Variants in PEBP4 observed in about 807,000 individuals in gnomAD.
PEBP4 encodes phosphatidylethanolamine binding protein 4, also known as phosphatidylethanolamine-binding protein 4.
A neutral mutation model predicts 23.9 loss-of-function variants in PEBP4; 22 were observed. The ratio of observed to expected loss-of-function variants is 0.92; its 90% confidence interval spans 0.66 to 1.31. The LOEUF (loss-of-function observed/expected upper bound fraction) is 1.31, where lower values mean the gene tolerates loss of function less well. PEBP4 is among the 40% of genes most tolerant of loss of function. The pLI, the probability that PEBP4 is intolerant of heterozygous loss-of-function variation, is 0.00. For missense variants in PEBP4, 324 were observed against 281.7 expected, an observed-to-expected ratio of 1.15 and a Z score of -1.07; for synonymous variants, 112 against 99.3, an observed-to-expected ratio of 1.13 and a Z score of -0.76.
chr8:22,795,949 A>G (rs956548105), intron 4 of PEBP4, among the ~76,000 whole-genome samples: 2 of 152,314 alleles, frequency 1.3e-5, no homozygotes, highest in Admixed American at 1.3e-4. Context: ...TTGTATGCCG[A>G]AATGTGAGAA....
chr8:22,798,229 C>T (rs577566249), intron 4 of PEBP4, among the ~76,000 whole-genome samples: 1 of 152,166 alleles, frequency 6.6e-6, no homozygotes, highest in South Asian at 2.1e-4. Flanking sequence ...CATCCTGGAG[C>T]CTTGCTAATT....
chr8:22,729,879 C>G (rs977403267), intron 4 of PEBP4, among the ~76,000 whole-genome samples: 1 of 152,190 alleles, frequency 6.6e-6, no homozygotes, highest in East Asian at 1.9e-4. Flanking sequence ...GGCCATAAAC[C>G]TTTCCTCATT....
chr8:22,714,362 C>T (rs889027967), intron 6 of PEBP4, among the ~76,000 whole-genome samples: 12 of 152,078 alleles, frequency 7.9e-5, no homozygotes, highest in Middle Eastern at 3.4e-3. Flanking sequence ...ATGTCAGGCA[C>T]CCTGGGCAGA....
chr8:22,853,970 C>T (rs919482301), intron 3 of PEBP4, among the ~76,000 whole-genome samples: 5 of 152,162 alleles, frequency 3.3e-5, no homozygotes, highest in South Asian at 2.1e-4. Context: ...ACCTCACCAA[C>T]GCCAGAATCC....
intron 4 of PEBP4, among the ~76,000 whole-genome samples, chr8:22,728,613 C>CCTTCCCT (rs1563196431): frequency 3.0e-5 from 3 of 101,060 alleles, no homozygotes; most frequent in African/African-American, 1.7e-4. Flanking sequence ...CCTTCCTTCC[C>CCTTCCCT]TTTTTTTGGA....
chr8:22,862,656 T>G (rs746124001), intron 3 of PEBP4, among the ~76,000 whole-genome samples: 42 of 152,268 alleles, frequency 2.8e-4, no homozygotes, highest in Non-Finnish European at 5.1e-4. Context: ...CTTCAAAGGA[T>G]TCTCATATAT....
At chr8:22,845,542 A>G (rs1361662575) in intron 3 of PEBP4, among the ~76,000 whole-genome samples, 1 of 152,116 alleles carries the variant, frequency 6.6e-6, no homozygotes, top group Non-Finnish European at 1.5e-5. Context: ...GAATAAACCC[A>G]GCAGCACATG....
intron 4 of PEBP4, among the ~76,000 whole-genome samples, chr8:22,816,466 G>A (rs1448091338): frequency 6.6e-6 from 1 of 152,248 alleles, no homozygotes; most frequent in Non-Finnish European, 1.5e-5. Flanking sequence ...TCACAAGCTA[G>A]TTCAGATTTA....
At chr8:22,796,257 CGTGTGTGTGT>C (rs34887072) in intron 4 of PEBP4, among the ~76,000 whole-genome samples, 14 of 149,766 alleles carry the variant, frequency 9.3e-5, no homozygotes, top group South Asian at 2.1e-4. Context: ...CTCAAGTGTG[CGTGTGTGTGT>C]GTGTGTGTGT....
At chr8:22,834,669 C>G (rs1807163250) in intron 3 of PEBP4, among the ~76,000 whole-genome samples, 2 of 152,160 alleles carry the variant, frequency 1.3e-5, no homozygotes, top group African/African-American at 4.8e-5. Flanking sequence ...GAGAAAATCC[C>G]TAGGGAGGGA....
chr8:22,915,084 A>T (rs1430913457), intron 3 of PEBP4, among the ~76,000 whole-genome samples: 1 of 151,696 alleles, frequency 6.6e-6, no homozygotes, highest in Non-Finnish European at 1.5e-5. Context: ...CAATATCCCC[A>T]CAGCCCCCAA....
intron 3 of PEBP4, among the ~76,000 whole-genome samples, chr8:22,910,330 T>C (rs879527129): frequency 5.3e-5 from 8 of 152,212 alleles, no homozygotes; most frequent in Non-Finnish European, 1.0e-4. Flanking sequence ...GCCCCCAACA[T>C]CCCGCGCTTG....
intron 3 of PEBP4, among the ~76,000 whole-genome samples, chr8:22,837,046 T>C (rs918685591): frequency 6.6e-6 from 1 of 152,216 alleles, no homozygotes; most frequent in Non-Finnish European, 1.5e-5. Context: ...GCACTGCCAT[T>C]TTGTGAAATT....
chr8:22,796,330 A>G (rs1806259964), intron 4 of PEBP4, among the ~76,000 whole-genome samples: 1 of 151,220 alleles, frequency 6.6e-6, no homozygotes, highest in South Asian at 2.1e-4. Context: ...CTGGGTTTTG[A>G]GTTCCTTGAG....
chr8:22,716,027 TG>T (rs1051340193), intron 6 of PEBP4, among the ~76,000 whole-genome samples: 45 of 152,218 alleles, frequency 3.0e-4, no homozygotes, highest in African/African-American at 1.1e-3. Context: ...CACTGTATCC[TG>T]GATGCACCTA....
intron 4 of PEBP4, among the ~76,000 whole-genome samples, chr8:22,788,781 CCT>C (rs1488797497): frequency 6.6e-6 from 1 of 152,154 alleles, no homozygotes; most frequent in African/African-American, 2.4e-5. Context: ...AAACCTTTGA[CCT>C]CTGAGAATTT....
chr8:22,780,389 A>T (rs1805890496), intron 4 of PEBP4, among the ~76,000 whole-genome samples: 1 of 152,088 alleles, frequency 6.6e-6, no homozygotes, highest in South Asian at 2.1e-4. Context: ...TGAGGCTTGG[A>T]GTAGCTCGTA....
intron 3 of PEBP4, among the ~76,000 whole-genome samples, chr8:22,840,337 C>T (rs1305572531): frequency 6.6e-6 from 1 of 151,910 alleles, no homozygotes; most frequent in Non-Finnish European, 1.5e-5. Context: ...GAAAATGTGA[C>T]CCTATTGGCT....
intron 4 of PEBP4, among the ~76,000 whole-genome samples, chr8:22,817,228 T>C (rs1447233777): frequency 6.6e-6 from 1 of 152,228 alleles, no homozygotes; most frequent in Admixed American, 6.5e-5. Context: ...TTCTGCCACC[T>C]GCACGTCTCA....
Sources: gnomAD v4.1 joint callset for allele counts (sites outside exome capture counted in the v4.1 genomes callset) on GRCh38, gnomAD v4.1.1 for gene constraint, MANE v1.5 for transcripts, NCBI Gene and HGNC (gene_info 2026-07-23, HGNC 2026-07-21) for gene names.